WDR64: variants seen among roughly 807,000 people sequenced by gnomAD.
WDR64 encodes WD repeat domain 64, also known as WD repeat-containing protein 64.
In WDR64, 112 loss-of-function variants were observed where a neutral mutation model predicts 139.3. The ratio of observed to expected loss-of-function variants is 0.80; its 90% CI spans 0.69 to 0.94. WDR64 has a LOEUF of 0.94. Among genes scored for constraint, WDR64 ranks in the 40% least tolerant of loss-of-function variants. WDR64 has a pLI of 0.00. For missense variants in WDR64, 1,206 were observed against 1,293.1 expected, an observed-to-expected ratio of 0.93 and a Z score of 1.03; for synonymous variants, 444 against 437.7, an observed-to-expected ratio of 1.01 and a Z score of -0.18.
intron 19 of WDR64, among the ~76,000 whole-genome samples, chr1:241,771,935 TACATACATAC>T (rs1311195279): frequency 2.4e-3 from 53 of 22,352 alleles, no homozygotes; most frequent in African/African-American, 6.4e-3. Context: ...TACATATACA[TACATACATAC>T]ATATATATAT....
chr1:241,679,760 T>C (rs570045908), intron 6 of WDR64, among the ~76,000 whole-genome samples, 165 bp downstream of exon 6: 2 of 152,212 alleles, frequency 1.3e-5, no homozygotes, highest in Non-Finnish European at 2.9e-5. Context: ...TACTCTCTAA[T>C]TAAAAGGGAC....
chr1:241,800,115 A>G (rs1659479366), intron 27 of WDR64, among the ~76,000 whole-genome samples: 1 of 152,144 alleles, frequency 6.6e-6, no homozygotes, highest in Non-Finnish European at 1.5e-5. Context: ...AAAGAAAAAG[A>G]GAAAATAAAA....
rs1659364645 is a variant in WDR64 at position 241,796,374 on chromosome 1, A to C, written c.3192+4A>C. 1 of 1,589,128 alleles carries C rather than the reference A, an allele frequency of 6.3e-7. No individual in the cohort carries two copies. The highest frequency in any genetic ancestry group is 1.7e-5 in the Admixed American group (1 of 59,562). On this transcript the variant is annotated splice_donor_region_variant and intron_variant, in intron 27 of 27. Transcript: ENST00000437684. ...AGGTCATGTTCAACGTGAAAAAGTA[A>C]GTTAGTACTAATTCCACCGTTAACT...
chr1:241,683,526 CTGTGTG>C lies in WDR64; in HGVS notation c.673_678del (p.Cys225_Val226del). On this transcript the variant is annotated inframe_deletion, in exon 7 of 28. Coordinates refer to ENST00000437684, the MANE Select transcript of WDR64 (RefSeq NM_001367482.1). The stretch of plus-strand genomic sequence containing the variant: ...CATAAAACCAATGGATCACTGCCTC[CTGTGTG>C]TGTGTGTGGTGCCTTTGCCTGACCA... 1 of 1,530,434 alleles carries C rather than the reference CTGTGTG, an allele frequency of 6.5e-7. No individual in the cohort carries two copies. The allele number at this position is 1,530,434 out of a possible 1,614,324, so 94.8% of individuals were successfully genotyped here.
At chr1:241,796,492 C>CTTTTTTTTTTTTTTTTTT (rs5782206) in intron 27 of WDR64, 122 bp downstream of exon 27, 1 of 484,726 alleles carries the variant, frequency 2.1e-6, no homozygotes. Flanking sequence ...TCAGTTCATA[C>CTTTTTTTTTTTTTTTTTT]TTTTTTTTTT....
chr1:241,725,055 T>C (rs572030671), intron 10 of WDR64, among the ~76,000 whole-genome samples: 1 of 151,912 alleles, frequency 6.6e-6, no homozygotes, highest in East Asian at 1.9e-4. Flanking sequence ...AAAAATGCAA[T>C]AAAAAGCAGA....
rs766069628 is a variant in WDR64 at position 241,708,692 on chromosome 1, G to GTTT, written c.975-3101_975-3099dup. Among the ~76,000 whole-genome samples, 495 of 59,840 alleles carry GTTT rather than the reference G, an allele frequency of 8.3e-3. 55 individuals are homozygous for GTTT. The highest frequency in any genetic ancestry group is 0.013 in the African/African-American group (164 of 12,344). The allele number at this position is 59,840 out of a possible 152,430, so 39.3% of individuals were successfully genotyped here. A position where few individuals can be genotyped will look rare whatever the true frequency, so the allele number is the denominator to read the frequency against. On this transcript the variant is annotated intron_variant, in intron 8 of 27. Transcript: ENST00000437684. ...TATCAAGTTAGGGCTGAGGTCCATG[G>GTTT]TTTTTTTTTTTGTTTTTTTGTTTTT...
chr1:241,684,133 A>G (rs67334509), intron 7 of WDR64, among the ~76,000 whole-genome samples: 13,939 of 152,268 alleles, frequency 0.092, 746 homozygotes, highest in East Asian at 0.25. Flanking sequence ...GATAGATTTG[A>G]CTATATACAA....
intron 13 of WDR64, among the ~76,000 whole-genome samples, chr1:241,748,863 C>T (rs1018552564): frequency 1.1e-4 from 16 of 151,342 alleles, no homozygotes; most frequent in Non-Finnish European, 2.9e-5. Flanking sequence ...TGGTGTGAAC[C>T]CAGGAGGCGG....
intron 10 of WDR64, 41 bp from the exon 11 acceptor site, chr1:241,738,322 T>C (rs747454263): frequency 2.4e-5 from 38 of 1,589,758 alleles, no homozygotes; most frequent in Non-Finnish European, 3.1e-5. Context: ...GTGAGAAAGG[T>C]GAGTATAAAT....
chr1:241,762,211 T>C (rs1375372188), intron 15 of WDR64, among the ~76,000 whole-genome samples: 1 of 152,236 alleles, frequency 6.6e-6, no homozygotes, highest in Admixed American at 6.5e-5. Context: ...GAAGGAATAC[T>C]GTATTCACCG....
intron 23 of WDR64, among the ~76,000 whole-genome samples, chr1:241,787,202 A>C (rs1203076116): frequency 1.3e-5 from 2 of 150,902 alleles, no homozygotes; most frequent in Non-Finnish European, 3.0e-5. Context: ...AAAATACAAA[A>C]AAAAAAAAAA....
rs111384333 is a variant in WDR64, at chr1:241,784,915, C to T, written c.2705+1534C>T. ...ATTGTAGTGAGCCGAGATCACGCCACTGCACTCCAGCCTGGGCGACAGAGT... is the reference window on the plus strand; with the variant it reads ...ATTGTAGTGAGCCGAGATCACGCCATTGCACTCCAGCCTGGGCGACAGAGT... On this transcript the variant is annotated intron_variant, in intron 23 of 27. Coordinates refer to ENST00000437684, the MANE Select transcript of WDR64 (RefSeq NM_001367482.1). 5.8e-3 allele frequency among the ~76,000 whole-genome samples: 748 copies of T among 129,294 alleles called. 10 individuals are homozygous for T. Among genetic ancestry groups the T allele is most frequent in the Middle Eastern group, 0.017 (3 of 176 alleles). The allele number at this position is 129,294 out of a possible 152,430, so 84.8% of individuals were successfully genotyped here. A position where few individuals can be genotyped will look rare whatever the true frequency, so the allele number is the denominator to read the frequency against.
chr1:241,705,158 G>A (rs925351105), intron 8 of WDR64, among the ~76,000 whole-genome samples: 1 of 152,160 alleles, frequency 6.6e-6, no homozygotes. Flanking sequence ...AGAACTCACA[G>A]GCTCACCTTG....
At chr1:241,722,074 T>A (rs1214592709) in intron 9 of WDR64, among the ~76,000 whole-genome samples, 1 of 152,116 alleles carries the variant, frequency 6.6e-6, no homozygotes, top group Non-Finnish European at 1.5e-5. Flanking sequence ...TGGTTCAACT[T>A]TTATTTTCAG....
chr1:241,671,671 A>G (rs1666233807), intron 3 of WDR64, among the ~76,000 whole-genome samples: 1 of 152,090 alleles, frequency 6.6e-6, no homozygotes, highest in Admixed American at 6.6e-5. Context: ...GAAGTCTCTA[A>G]TGTATGTGTT....
intron 16 of WDR64, among the ~76,000 whole-genome samples, chr1:241,766,983 C>T (rs1658204933): frequency 6.6e-6 from 1 of 152,196 alleles, no homozygotes; most frequent in Non-Finnish European, 1.5e-5. Flanking sequence ...ACTAATCTCT[C>T]TAGAGCTTCA....
chr1:241,786,853 T>G (rs1574096744), intron 23 of WDR64, among the ~76,000 whole-genome samples: 1 of 152,110 alleles, frequency 6.6e-6, no homozygotes, highest in Non-Finnish European at 1.5e-5. Flanking sequence ...CATGGAATAC[T>G]AAGCAGCCAT....
intron 1 of WDR64, among the ~76,000 whole-genome samples, chr1:241,657,493 T>G (rs1490661454): frequency 6.6e-6 from 1 of 152,180 alleles, no homozygotes; most frequent in Non-Finnish European, 1.5e-5. Flanking sequence ...TGTAGGTACC[T>G]CATACCTACT....
Sources: allele counts gnomAD v4.1 joint callset (sites outside exome capture counted in the v4.1 genomes callset), GRCh38; gene constraint gnomAD v4.1.1; transcripts MANE v1.5; gene names NCBI Gene and HGNC (gene_info 2026-07-23, HGNC 2026-07-21).